Variants in FBN2 observed in about 807,000 individuals in gnomAD.
FBN2 encodes the protein fibrillin-2.
In FBN2, 105 loss-of-function variants were observed where a neutral mutation model predicts 355.6. The observed-to-expected ratio is 0.30, with a 90% CI of 0.25 to 0.35. The LOEUF (loss-of-function observed/expected upper bound fraction) is 0.35, where lower values mean the gene tolerates loss of function less well. FBN2 is among the 10% of genes least tolerant of loss of function. FBN2 has a pLI of 1.00. For synonymous variants in FBN2, 1,350 were observed against 1,301.2 expected (o/e 1.04, Z -0.81); for missense variants, 3,280 against 3,758.7 (o/e 0.87, Z 3.33).
intron 7 of FBN2, among the ~76,000 whole-genome samples, chr5:128,441,244 C>T (rs1753911182): frequency 6.6e-6 from 1 of 152,174 alleles, no homozygotes; most frequent in Non-Finnish European, 1.5e-5. Context: ...GGCCAGGGTA[C>T]TACCACAAAA....
At chr5:128,311,276 T>G (rs780130901) in intron 39 of FBN2, 24 bp downstream of exon 39, 2 of 1,613,574 alleles carry the variant, frequency 1.2e-6, no homozygotes, top group African/African-American at 2.7e-5. Context: ...GCACTGAGCA[T>G]TTTAGGCATC....
At chr5:128,500,360 A>G (rs1055548400) in intron 5 of FBN2, among the ~76,000 whole-genome samples, 22 of 151,294 alleles carry the variant, frequency 1.5e-4, no homozygotes, top group African/African-American at 5.1e-4. Context: ...AAGGAATGAA[A>G]CGGAAGAGTG....
Position 128,311,882 on chromosome 5 carries a change from C to A in FBN2, c.4948+3G>T. ...AATCTGGGTGACAATGGGATTAGCTCACCTTCTAAAATGATTGTGATGGGG... is the reference window on the plus strand; with the variant it reads ...AATCTGGGTGACAATGGGATTAGCTAACCTTCTAAAATGATTGTGATGGGG... On this transcript the variant is annotated splice_donor_region_variant and intron_variant, in intron 38 of 64. Coordinates refer to ENST00000262464, the MANE Select transcript of FBN2 (RefSeq NM_001999.4). 1 of 1,604,118 alleles carries A rather than the reference C, an allele frequency of 6.2e-7. No homozygotes were observed.
rs765015874 is a variant in FBN2 at position 128,345,412 on chromosome 5, G to T, written c.3162C>A (p.Arg1054=). The change falls in exon 24 of 65, where the codon CGC becomes CGA. Residue 1054 remains arginine (R), a synonymous_variant. Transcript: ENST00000262464. ...GTKEYETLCP[R]GAGFANRGDV... ...CCCCTCGGTTAGCAAAGCCAGCCCC[G>T]CGGGGGCACAGCGTCTCGTATTCCT... 1 of 1,614,102 alleles carries T rather than the reference G, an allele frequency of 6.2e-7. No homozygotes were observed. The highest frequency in any genetic ancestry group is 8.5e-7 in the Non-Finnish European group (1 of 1,180,016).
In FBN2 at chr5:128,369,182, C is replaced by T; in HGVS notation, c.2248G>A (p.Ala750Thr). ...PCQPCPAKNS[A>T]EFHGLCSSGV... is the part of the protein sequence containing the mutation. ...CTGTGAAAATGGCACATGTGACTAC[C>T]TGAATTTTTTGCAGGGCATGGCTGG... Residue 750 changes from alanine to threonine, a missense_variant and splice_region_variant, in exon 16 of 65, where the codon GCT becomes ACT. Coordinates refer to ENST00000262464, the MANE Select transcript of FBN2 (RefSeq NM_001999.4). 1 of 1,614,086 alleles carries T rather than the reference C, an allele frequency of 6.2e-7. No homozygotes were observed. The highest frequency in any genetic ancestry group is 8.5e-7 in the Non-Finnish European group (1 of 1,179,992).
At chr5:128,335,353 T>C in intron 29 of FBN2, 58 bp from the exon 30 acceptor site, 1 of 1,613,334 alleles carries the variant, frequency 6.2e-7, no homozygotes, top group Non-Finnish European at 8.5e-7. Flanking sequence ...CAATCTCAAA[T>C]GTTTTTGTTT....
chr5:128,326,455 T>C (rs1271905080), intron 34 of FBN2, among the ~76,000 whole-genome samples: 4 of 152,230 alleles, frequency 2.6e-5, no homozygotes, highest in African/African-American at 7.2e-5. Flanking sequence ...CCAGGTTTTA[T>C]ATTCCCCCAT....
intron 8 of FBN2, among the ~76,000 whole-genome samples, chr5:128,408,105 A>G (rs540874268): frequency 6.6e-6 from 1 of 152,324 alleles, no homozygotes; most frequent in Admixed American, 6.5e-5. Flanking sequence ...TGCTGTGATT[A>G]TGCATCAAAA....
chr5:128,369,382 G>C, intron 15 of FBN2, 48 bp from the exon 16 acceptor site: 3 of 1,603,972 alleles, frequency 1.9e-6, no homozygotes, highest in Non-Finnish European at 2.6e-6. Flanking sequence ...TAGAGACAAA[G>C]AGATTTCGAA....
intron 48 of FBN2, among the ~76,000 whole-genome samples, chr5:128,294,150 T>C (rs1426978779): frequency 2.6e-5 from 4 of 152,050 alleles, no homozygotes; most frequent in South Asian, 2.1e-4. Flanking sequence ...ATCCATGTCC[T>C]TACAAAGGAC....
chr5:128,304,191 T>G (rs1749800483), intron 45 of FBN2, among the ~76,000 whole-genome samples: 1 of 152,208 alleles, frequency 6.6e-6, no homozygotes, highest in South Asian at 2.1e-4. Flanking sequence ...TAATTACAAG[T>G]AGCCAAGTTT....
chr5:128,387,959 A>G (rs985437946), intron 11 of FBN2, among the ~76,000 whole-genome samples: 2 of 152,128 alleles, frequency 1.3e-5, no homozygotes, highest in African/African-American at 4.8e-5. Flanking sequence ...GCCTCTCACT[A>G]TTATTGTGTT....
At position 128,344,471 on chromosome 5, in the gene FBN2, T is replaced by G. The variant is rs1431655747; in HGVS notation, c.3257A>C (p.Tyr1086Ser). ...TCCGATTGTATTTCTGCACTTCCCA[T>G]AAGTGCACATCCCAGGAAATGCTTT... ...ECKAFPGMCT[Y>S]GKCRNTIGSF... The change falls in exon 25 of 65, where the codon TAT becomes TCT. Residue 1086 changes from tyrosine (Y) to serine (S), a missense_variant. Around this residue, in one of 6 missense-constraint regions of FBN2, gnomAD observed 2,284 missense variants for 2,749.5 expected, o/e 0.83. Coordinates refer to ENST00000262464, the MANE Select transcript of FBN2 (RefSeq NM_001999.4). 1.2e-6 allele frequency: 2 copies of G among 1,610,434 alleles called. No individual in the cohort carries two copies. Among genetic ancestry groups the G allele is most frequent in the East Asian group, 4.5e-5 (2 of 44,832 alleles).
intron 44 of FBN2, 57 bp from the exon 45 acceptor site, chr5:128,305,139 T>A (rs1749833027): frequency 7.1e-7 from 1 of 1,403,966 alleles, no homozygotes; most frequent in Admixed American, 2.0e-5. Flanking sequence ...GATTTCTTCA[T>A]TTTTCACAGT....
intron 7 of FBN2, among the ~76,000 whole-genome samples, chr5:128,425,220 C>A (rs1379102914): frequency 6.6e-6 from 1 of 152,056 alleles, no homozygotes; most frequent in Non-Finnish European, 1.5e-5. Flanking sequence ...TGACACTAAG[C>A]TTTACAGGGG....
At position 128,299,141 on chromosome 5, in the gene FBN2, G is replaced by T. The variant is rs1180105265; in HGVS notation, c.6166+1676C>A. 1.2e-4 allele frequency among the ~76,000 whole-genome samples: 18 copies of T among 152,168 alleles called. No individual in the cohort carries two copies. In the South Asian group the frequency reaches 3.3e-3, roughly 28 times the overall value. Reference sequence around the variant, plus strand: ...CTGGGGGGTGCCTCCCAGTTAGGCTGCTCGGGGGTCAGGGGTCAGGGACCC... The same window carrying T: ...CTGGGGGGTGCCTCCCAGTTAGGCTTCTCGGGGGTCAGGGGTCAGGGACCC... On this transcript the variant is annotated intron_variant, in intron 48 of 64. Transcript: ENST00000262464.
chr5:128,379,539 T>G (rs1243701892), intron 11 of FBN2, among the ~76,000 whole-genome samples: 1 of 152,112 alleles, frequency 6.6e-6, no homozygotes, highest in Admixed American at 6.6e-5. Context: ...CAGTGATTTG[T>G]TGCATAAAAT....
chr5:128,272,099 C>A lies in FBN2; in HGVS notation c.7860G>T (p.Gly2620=), dbSNP rs772818240. 8.1e-6 allele frequency: 13 copies of A among 1,613,988 alleles called. No individual in the cohort carries two copies. The South Asian group carries it at 1.4e-4, about 18-fold the overall frequency. Residue 2620 remains glycine, a synonymous_variant, in exon 62 of 65, where the codon GGG becomes GGT. Coordinates refer to ENST00000262464, the MANE Select transcript of FBN2 (RefSeq NM_001999.4). ...GGCAGCCGTGTTGGCACCTGTGGTTCCCATCACATTCATCAACATCTGCAA... is the reference window on the plus strand; with the variant it reads ...GGCAGCCGTGTTGGCACCTGTGGTTACCATCACATTCATCAACATCTGCAA... ...LNCEDVDECD[G]NHRCQHGCQN...
chr5:128,381,097 G>A (rs939303349), intron 11 of FBN2, among the ~76,000 whole-genome samples: 28 of 152,116 alleles, frequency 1.8e-4, no homozygotes, highest in African/African-American at 6.5e-4. Flanking sequence ...AGGGCTCGAG[G>A]ATTACCTGTA....
Sources: allele counts gnomAD v4.1 joint callset (sites outside exome capture counted in the v4.1 genomes callset), GRCh38; gene constraint gnomAD v4.1.1; regional missense constraint gnomAD v4.1.1; transcripts MANE v1.5; gene names NCBI Gene and HGNC (gene_info 2026-07-23, HGNC 2026-07-21).